Variants in PFKFB3 observed in about 807,000 individuals in gnomAD.
The protein encoded by PFKFB3 is 6-phosphofructo-2-kinase/fructose-2,6-biphosphatase 3.
Under a neutral mutation model 68.0 loss-of-function variants are expected in PFKFB3, and 33 were observed. The observed-to-expected ratio is 0.49, with a 90% CI of 0.37 to 0.65. The LOEUF (loss-of-function observed/expected upper bound fraction) is 0.65, where lower values mean the gene tolerates loss of function less well. PFKFB3 is among the 30% of genes least tolerant of loss of function. The pLI is 0.00. For missense variants in PFKFB3, 586 were observed against 712.2 expected, an observed-to-expected ratio of 0.82 and a Z score of 2.02; for synonymous variants, 315 against 288.2, an observed-to-expected ratio of 1.09 and a Z score of -0.94.
the PFKFB3 span, among the ~76,000 whole-genome samples, chr10:6,279,992 G>A: frequency 7.2e-5 from 11 of 152,246 alleles, no homozygotes; most frequent in African/African-American, 2.2e-4. Context: ...AGATAGGACC[G>A]GATAGCTTTG....
In PFKFB3 at chr10:6,213,613, GT is replaced by G. The variant is rs778135566; in HGVS notation, c.77-5del. The G allele has an allele frequency of 1.2e-6, 2 of 1,609,816 alleles. No individual in the cohort carries two copies. Among genetic ancestry groups the G allele is most frequent in the Non-Finnish European group, 1.7e-6 (2 of 1,177,620 alleles). ...GGTTGATGACACACCCTTCTTGCTTGTTTTTCCAGCCTGTGGGCCAAAGCTG... is the reference window on the plus strand; with the variant it reads ...GGTTGATGACACACCCTTCTTGCTTGTTTTCCAGCCTGTGGGCCAAAGCTG... On this transcript the variant is annotated splice_polypyrimidine_tract_variant and intron_variant, in intron 1 of 14. Coordinates refer to ENST00000379775, the MANE Select transcript of PFKFB3 (RefSeq NM_004566.4).
chr10:6,284,186 T>A, the PFKFB3 span, among the ~76,000 whole-genome samples: 1 of 152,246 alleles, frequency 6.6e-6, no homozygotes, highest in Non-Finnish European at 1.5e-5. Flanking sequence ...TTAATAAATG[T>A]CAATTAGATT....
chr10:6,221,428 C>T lies in PFKFB3; in HGVS notation c.879C>T (p.Asp293=). 6.2e-7 allele frequency: 1 copy of T among 1,613,838 alleles called. No homozygotes were observed. The highest frequency in any genetic ancestry group is 8.5e-7 in the Non-Finnish European group (1 of 1,179,992). The change falls in exon 9 of 15, where the codon GAC becomes GAT. Residue 293 remains aspartate (D), a synonymous_variant. Coordinates refer to ENST00000379775, the MANE Select transcript of PFKFB3 (RefSeq NM_004566.4). ...TCGTGGAGGAGCAGAACCTGAAGGA[C>T]CTGCGCGTGTGGACCAGCCAGCTGA... ...SKFVEEQNLK[D]LRVWTSQLKS... is the part of the protein sequence containing the mutation.
chr10:6,232,712 T>G (rs954989465), intron 14 of PFKFB3, among the ~76,000 whole-genome samples, 183 bp from the exon 15 acceptor site: 14 of 151,318 alleles, frequency 9.3e-5, no homozygotes, highest in Non-Finnish European at 1.6e-4. Context: ...TGCGTCATGT[T>G]CTGAGGCCCA....
chr10:6,225,562 TGAGGCTG>T (rs1439055165), intron 13 of PFKFB3, among the ~76,000 whole-genome samples: 1 of 152,254 alleles, frequency 6.6e-6, no homozygotes, highest in East Asian at 1.9e-4. Flanking sequence ...ATCCCGGTTC[TGAGGCTG>T]GAGGCCCACA....
chr10:6,266,170 A>G, the PFKFB3 span, among the ~76,000 whole-genome samples: 1 of 152,096 alleles, frequency 6.6e-6, no homozygotes, highest in Non-Finnish European at 1.5e-5. Flanking sequence ...CGGCCTCTCA[A>G]ATTGTTGGGA....
intron 14 of PFKFB3, among the ~76,000 whole-genome samples, chr10:6,246,728 A>C (rs910230635): frequency 1.6e-4 from 25 of 152,138 alleles, no homozygotes; most frequent in Non-Finnish European, 2.9e-4. Context: ...GGTATATTGC[A>C]TGATGCTGAA....
At chr10:6,309,352 A>G in the PFKFB3 span, among the ~76,000 whole-genome samples, 1 of 152,182 alleles carries the variant, frequency 6.6e-6, no homozygotes, top group Non-Finnish European at 1.5e-5. Context: ...ATGTGCCTGT[A>G]ATCCCAGCTA....
At chr10:6,209,931 A>C (rs1844055335) in intron 1 of PFKFB3, among the ~76,000 whole-genome samples, 1 of 151,766 alleles carries the variant, frequency 6.6e-6, no homozygotes, top group African/African-American at 2.4e-5. Context: ...CGCCTGGCTA[A>C]TGTTTTGTAT....
Position 6,215,157 on chromosome 10 carries a change from C to A in PFKFB3, c.203-64C>A. ...CTCTTCCTTTGGTCGATCCTATGGTCCCGGTGTGAGCTGGCCCCTTCCTCC... is the reference window on the plus strand; with the variant it reads ...CTCTTCCTTTGGTCGATCCTATGGTACCGGTGTGAGCTGGCCCCTTCCTCC... On this transcript the variant is annotated intron_variant, in intron 2 of 14. Coordinates refer to ENST00000379775, the MANE Select transcript of PFKFB3 (RefSeq NM_004566.4). The surrounding 1 kb of genome is among the most constrained non-coding windows in gnomAD (Gnocchi z 4.3). The A allele has an allele frequency of 7.3e-7, 1 of 1,376,724 alleles. No individual in the cohort carries two copies. The highest frequency in any genetic ancestry group is 1.2e-5 in the South Asian group (1 of 85,268). The allele number at this position is 1,376,724 out of a possible 1,614,324, so 85.3% of individuals were successfully genotyped here. A position where few individuals can be genotyped will look rare whatever the true frequency, so the allele number is the denominator to read the frequency against.
chr10:6,288,126 C>G, the PFKFB3 span, among the ~76,000 whole-genome samples: 3 of 151,734 alleles, frequency 2.0e-5, no homozygotes, highest in African/African-American at 7.3e-5. Context: ...CAAAAAGAAG[C>G]CCATTATACT....
chr10:6,192,366 CTT>C (rs149846128), intron 1 of PFKFB3, among the ~76,000 whole-genome samples: 49,996 of 112,194 alleles, frequency 0.45, 10,297 homozygotes, highest in East Asian at 0.62. Flanking sequence ...TTTCTTTCTT[CTT>C]TTTTTTTTTT....
At chr10:6,251,672 CAAAT>C (rs1846384719) in intron 14 of PFKFB3, among the ~76,000 whole-genome samples, 1 of 152,166 alleles carries the variant, frequency 6.6e-6, no homozygotes, top group Admixed American at 6.5e-5. Context: ...TGGAAAGAGA[CAAAT>C]AAGAGAGGCC....
At position 6,230,841 on chromosome 10, in the gene PFKFB3, G is replaced by A. The variant is rs548962881; in HGVS notation, c.1516-2054G>A. Among the ~76,000 whole-genome samples, 67 of 152,002 alleles carry A rather than the reference G, an allele frequency of 4.4e-4. No individual in the cohort carries two copies. In the East Asian group the frequency reaches 0.012, roughly 27 times the overall value. ...AGCGATTCTCCTGCCTCAACCTCCC[G>A]AGTAGCTGGGATTACAGGCGCCCGC... On this transcript the variant is annotated intron_variant, in intron 14 of 14. Coordinates refer to ENST00000379775, the MANE Select transcript of PFKFB3 (RefSeq NM_004566.4).
intron 14 of PFKFB3, among the ~76,000 whole-genome samples, chr10:6,241,759 TA>T (rs1846145247): frequency 6.6e-6 from 1 of 152,204 alleles, no homozygotes; most frequent in African/African-American, 2.4e-5. Flanking sequence ...TAGCATCCAT[TA>T]GTGTATTTTC....
chr10:6,255,202 G>A (rs1175509211), downstream of PFKFB3, among the ~76,000 whole-genome samples: 4 of 151,412 alleles, frequency 2.6e-5, no homozygotes, highest in South Asian at 4.2e-4. Flanking sequence ...TCAGCTCACT[G>A]CAACCTCTGC....
At chr10:6,152,380 T>A (rs1216333882) in intron 1 of PFKFB3, 1 of 152,472 alleles carries the variant, frequency 6.6e-6, no homozygotes, top group African/African-American at 2.4e-5. Flanking sequence ...CCGTCCACAC[T>A]GCTGTGGAGC....
intron 14 of PFKFB3, among the ~76,000 whole-genome samples, chr10:6,227,634 A>G (rs1335252994): frequency 6.6e-6 from 1 of 152,188 alleles, no homozygotes; most frequent in African/African-American, 2.4e-5. Context: ...GGACGCGTAG[A>G]CACGGTGAGG....
chr10:6,182,748 A>G (rs1842754058), intron 1 of PFKFB3, among the ~76,000 whole-genome samples: 2 of 152,230 alleles, frequency 1.3e-5, no homozygotes. Flanking sequence ...AGCGGGCAGG[A>G]CTGCCCAGTG....
Sources: gnomAD v4.1 joint callset for allele counts (sites outside exome capture counted in the v4.1 genomes callset) on GRCh38, gnomAD v4.1.1 for gene constraint, Gnocchi (gnomAD v3.1) non-coding constraint, MANE v1.5 for transcripts, NCBI Gene and HGNC (gene_info 2026-07-23, HGNC 2026-07-21) for gene names.